GMEB2: variants seen among roughly 807,000 people sequenced by gnomAD.
GMEB2 encodes glucocorticoid modulatory element-binding protein 2.
In GMEB2, 7 loss-of-function variants were observed where a neutral mutation model predicts 45.7. The observed-to-expected ratio is 0.15, with a 90% CI of 0.09 to 0.29. The LOEUF is 0.29. Among genes scored for constraint, GMEB2 ranks in the 10% least tolerant of loss-of-function variants. The pLI is 1.00. For synonymous variants in GMEB2, 322 were observed against 323.6 expected, an observed-to-expected ratio of 1.00 and a Z score of 0.05; for missense variants, 582 against 739.2, an observed-to-expected ratio of 0.79 and a Z score of 2.47.
rs1021392689 is a variant in GMEB2 at position 63,604,828 on chromosome 20, C to T, written c.144G>A (p.Thr48=). Residue 48 remains threonine (T), a synonymous_variant, in exon 3 of 10, where the codon ACG becomes ACA. Coordinates refer to ENST00000370077, the MANE Select transcript of GMEB2 (RefSeq NM_012384.5). ...CATTTTCTGTCTCCATGTTATCTTC[C>T]GTCAGGTCGCCCCTGGTGAAGTGAA... is the stretch of plus-strand genomic sequence containing the variant. ...TNLAPHGGDL[T]EDNMETENAA... is the part of the protein sequence containing the mutation. 24 of 1,606,156 alleles carry T rather than the reference C, an allele frequency of 1.5e-5. No individual in the cohort carries two copies. Among genetic ancestry groups the T allele is most frequent in the African/African-American group, 5.3e-5 (4 of 74,804 alleles).
intron 5 of GMEB2, among the ~76,000 whole-genome samples, chr20:63,596,816 G>C (rs756461732): frequency 6.6e-6 from 1 of 152,188 alleles, no homozygotes; most frequent in Admixed American, 6.5e-5. Context: ...TCAAGTGTTC[G>C]AGACCAGCCT....
At chr20:63,598,192 T>C (rs981002832) in intron 4 of GMEB2, among the ~76,000 whole-genome samples, 7 of 152,334 alleles carry the variant, frequency 4.6e-5, no homozygotes, top group East Asian at 1.9e-4. Flanking sequence ...TTCTGTGCAA[T>C]GTATTTTATA....
rs1437584758 is a variant in GMEB2, at chr20:63,590,251, C to G, written c.1431G>C (p.Leu477=). 6.2e-7 allele frequency: 1 copy of G among 1,612,296 alleles called. No homozygotes were observed. Among genetic ancestry groups the G allele is most frequent in the Admixed American group, 1.7e-5 (1 of 59,988 alleles). ...TGGGGCCCAGGCCAGGCAACGTGAGCAGCTGTAGCGGGCTGACCACCTTGA... is the reference window on the plus strand; with the variant it reads ...TGGGGCCCAGGCCAGGCAACGTGAGGAGCTGTAGCGGGCTGACCACCTTGA... ...TVFKVVSPLQ[L]LTLPGLGPTL... Residue 477 remains leucine (L), a synonymous_variant, in exon 10 of 10, where the codon CTG becomes CTC. Transcript: ENST00000370077.
intron 2 of GMEB2, among the ~76,000 whole-genome samples, chr20:63,614,125 G>A (rs557086529): frequency 1.4e-3 from 216 of 152,076 alleles, no homozygotes; most frequent in Non-Finnish European, 2.0e-3. Flanking sequence ...GAGCTGTTCC[G>A]GTGTAATAAA....
At position 63,590,395 on chromosome 20, in the gene GMEB2, C is replaced by T; in HGVS notation, c.1287G>A (p.Gly429=). The part of the protein sequence containing the change: ...PASSPASPLL[G]GYTVLASSGS... Reference sequence around the variant, plus strand: ...CGGAAGAGGCCAAGACTGTGTATCCCCCGAGCAGCGGGGAGGCCGGGGAGC... The same window carrying T: ...CGGAAGAGGCCAAGACTGTGTATCCTCCGAGCAGCGGGGAGGCCGGGGAGC... The change falls in exon 10 of 10, where the codon GGG becomes GGA. Residue 429 remains glycine, a synonymous_variant. Coordinates refer to ENST00000370077, the MANE Select transcript of GMEB2 (RefSeq NM_012384.5). The T allele has an allele frequency of 6.3e-7, 1 of 1,587,528 alleles. No homozygotes were observed. Among genetic ancestry groups the T allele is most frequent in the East Asian group, 2.3e-5 (1 of 44,082 alleles).
intron 6 of GMEB2, 80 bp downstream of exon 6, chr20:63,595,530 A>C: frequency 7.5e-7 from 1 of 1,326,570 alleles, no homozygotes; most frequent in Non-Finnish European, 1.0e-6. Flanking sequence ...GGGGCCAAGG[A>C]GGCCACCCAG....
chr20:63,615,121 C>T (rs907307253), intron 2 of GMEB2, among the ~76,000 whole-genome samples: 3 of 152,148 alleles, frequency 2.0e-5, no homozygotes, highest in Non-Finnish European at 4.4e-5. Flanking sequence ...AGCCTAGGCA[C>T]GACTCAGCTG....
In GMEB2 at chr20:63,593,037, G is replaced by C. The variant is rs2083163005; in HGVS notation, c.665C>G (p.Pro222Arg). Residue 222 changes from proline (P) to arginine (R), a missense_variant, in exon 7 of 10, where the codon CCT (proline) becomes CGT (arginine). Pro to Arg is a moderately radical substitution (Grantham distance 103). Around this residue, in one of 3 missense-constraint regions of GMEB2, gnomAD observed 462 missense variants for 586.7 expected, o/e 0.79. Coordinates refer to ENST00000370077, the MANE Select transcript of GMEB2 (RefSeq NM_012384.5). This position sits in a 1 kb window ranked among gnomAD's most constrained non-coding sequence, Gnocchi z 4.7. ...ATITIETCEDPGDWTAAIGDD... is the reference protein window; with the variant it reads ...ATITIETCEDRGDWTAAIGDD... ...TCCAATGGCCGCGGTCCAGTCGCCA[G>C]GGTCTTCACAGGTCTCTATGGTGAT... 1 of 1,612,036 alleles carries C rather than the reference G, an allele frequency of 6.2e-7. No individual in the cohort carries two copies.
At chr20:63,596,488 T>C (rs567164637) in intron 5 of GMEB2, among the ~76,000 whole-genome samples, 5 of 152,240 alleles carry the variant, frequency 3.3e-5, no homozygotes, top group Non-Finnish European at 7.4e-5. Context: ...GCTTCTGTGG[T>C]CAGCTCAGGA....
At position 63,590,236 on chromosome 20, in the gene GMEB2, G is replaced by C. The variant is rs779162396; in HGVS notation, c.1446C>G (p.Gly482=). 3 of 1,611,826 alleles carry C rather than the reference G, an allele frequency of 1.9e-6. No individual in the cohort carries two copies. Among genetic ancestry groups the C allele is most frequent in the Non-Finnish European group, 2.5e-6 (3 of 1,179,692 alleles). ...CCACGTTCTGCAGGGTGGGGCCCAG[G>C]CCAGGCAACGTGAGCAGCTGTAGCG... The part of the protein sequence containing the change: ...VSPLQLLTLP[G]LGPTLQNVAQ... Residue 482 remains glycine (G), a synonymous_variant, in exon 10 of 10, where the codon GGC becomes GGG. Transcript: ENST00000370077.
chr20:63,615,973 GGTA>G (rs2089605687), intron 2 of GMEB2, among the ~76,000 whole-genome samples: 1 of 152,106 alleles, frequency 6.6e-6, no homozygotes, highest in Non-Finnish European at 1.5e-5. Context: ...GGAATCTCTA[GGTA>G]GTAGTAATAT....
intron 6 of GMEB2, among the ~76,000 whole-genome samples, chr20:63,594,036 G>A (rs1056404827): frequency 6.6e-5 from 10 of 152,194 alleles, no homozygotes; most frequent in Non-Finnish European, 1.3e-4. Flanking sequence ...CACCACCAAC[G>A]ACCTGGAAGC....
chr20:63,592,766 C>A lies in GMEB2; in HGVS notation c.692-96G>T, dbSNP rs1200153951. The A allele has an allele frequency of 1.2e-5, 13 of 1,053,512 alleles. No individual in the cohort carries two copies. The highest frequency in any genetic ancestry group is 2.9e-6 in the Non-Finnish European group (2 of 681,854). The allele number at this position is 1,053,512 out of a possible 1,614,324, so 65.3% of individuals were successfully genotyped here. ...GGACATCACCATAGCCACGAGGACA[C>A]CATGCCAGAGCCGGCAGCGCCTGGC... is the stretch of plus-strand genomic sequence containing the variant. On this transcript the variant is annotated intron_variant, in intron 7 of 9. Transcript: ENST00000370077. The surrounding 1 kb of genome is among the most constrained non-coding windows in gnomAD (Gnocchi z 8.2).
At chr20:63,600,549 C>G (rs1000080615) in intron 4 of GMEB2, among the ~76,000 whole-genome samples, 1 of 151,368 alleles carries the variant, frequency 6.6e-6, no homozygotes, top group Admixed American at 6.6e-5. Context: ...AAAACCCCAT[C>G]TCTACTAAAA....
Position 63,590,541 on chromosome 20 carries a change from G to T in GMEB2, c.1141C>A (p.Gln381Lys). ...MASQVLTQSA[Q>K]LALGPGVPVP... ...GGCACGCCCGGGCCAAGCGCCAGCT[G>T]GGCAGACTGGGTGAGCACCTGCGAG... The change falls in exon 10 of 10, where the codon CAG (glutamine) becomes AAG (lysine). Residue 381 changes from glutamine to lysine, a missense_variant. Gln to Lys is a moderately conservative substitution (Grantham distance 53). This residue lies in a region of GMEB2 where 462 missense variants were observed against 586.7 expected (regional missense o/e 0.79). Transcript: ENST00000370077. 6.5e-7 allele frequency: 1 copy of T among 1,536,234 alleles called. No homozygotes were observed. Among genetic ancestry groups the T allele is most frequent in the Non-Finnish European group, 8.8e-7 (1 of 1,138,976 alleles).
In GMEB2 at chr20:63,619,233, C is replaced by G. The variant is rs2089628666; in HGVS notation, c.131+34G>C. On this transcript the variant is annotated intron_variant, in intron 2 of 9. Transcript: ENST00000370077. This position sits in a 1 kb window ranked among gnomAD's most constrained non-coding sequence, Gnocchi z 4.6. The stretch of plus-strand genomic sequence containing the variant: ...CCAAGGACAGCCCAACCCAAGCCCC[C>G]ATCAGCCCCAATGGCACCGAGGCCC... 1 of 1,557,450 alleles carries G rather than the reference C, an allele frequency of 6.4e-7. No individual in the cohort carries two copies. Among genetic ancestry groups the G allele is most frequent in the Non-Finnish European group, 8.7e-7 (1 of 1,151,704 alleles).
chr20:63,613,310 A>C (rs1251942575), intron 2 of GMEB2, among the ~76,000 whole-genome samples: 1 of 152,222 alleles, frequency 6.6e-6, no homozygotes, highest in Non-Finnish European at 1.5e-5. Context: ...GCTAACCTAC[A>C]GGAGCCACCT....
chr20:63,589,371 C>T lies in GMEB2; in HGVS notation c.*718G>A. ...AAATCTGACTCTTCCTAGAAGCCTA[C>T]TAAGCAATTCACTTAAAAACACCCT... On this transcript the variant is annotated 3_prime_UTR_variant, in exon 10 of 10. Coordinates refer to ENST00000370077, the MANE Select transcript of GMEB2 (RefSeq NM_012384.5). 2.5e-6 allele frequency: 1 copy of T among 397,036 alleles called. No individual in the cohort carries two copies. The highest frequency in any genetic ancestry group is 4.4e-5 in the Admixed American group (1 of 22,680). The allele number at this position is 397,036 out of a possible 1,614,324, so 24.6% of individuals were successfully genotyped here.
At chr20:63,604,139 G>A (rs1291336642) in intron 3 of GMEB2, among the ~76,000 whole-genome samples, 1 of 150,534 alleles carries the variant, frequency 6.6e-6, no homozygotes, top group East Asian at 1.9e-4. Flanking sequence ...GCTGAGGCTG[G>A]AGGATCACAT....
Sources: allele counts gnomAD v4.1 joint callset (sites outside exome capture counted in the v4.1 genomes callset), GRCh38; gene constraint gnomAD v4.1.1; regional missense constraint gnomAD v4.1.1; non-coding constraint Gnocchi (gnomAD v3.1); transcripts MANE v1.5; gene names NCBI Gene and HGNC (gene_info 2026-07-23, HGNC 2026-07-21).